The following NUMB variants were observed in gnomAD, a reference collection of about 807,000 sequenced individuals.
NUMB encodes NUMB endocytic adaptor protein, also known as protein numb homolog.
NUMB carries 29 observed loss-of-function variants against 59.7 expected under a neutral mutation model. That is an observed-to-expected ratio of 0.49 (90% CI 0.36 to 0.66). The LOEUF is 0.66. NUMB is among the 30% of genes least tolerant of loss of function. NUMB has a pLI of 0.00. For missense variants in NUMB, 723 were observed against 822.0 expected (o/e 0.88, Z 1.47); for synonymous variants, 288 against 288.2 (o/e 1.00, Z 0.01).
chr14:73,434,498 A>C (rs1409147086), intron 1 of NUMB, among the ~76,000 whole-genome samples: 1 of 152,200 alleles, frequency 6.6e-6, no homozygotes, highest in Non-Finnish European at 1.5e-5. Flanking sequence ...GCCCAAATAT[A>C]GAATAGTTTC....
intron 1 of NUMB, among the ~76,000 whole-genome samples, chr14:73,444,462 G>C (rs1883317568): frequency 6.6e-6 from 1 of 150,686 alleles, no homozygotes; most frequent in African/African-American, 2.4e-5. Context: ...TGAATTTTCA[G>C]CATCCATTGA....
intron 1 of NUMB, among the ~76,000 whole-genome samples, chr14:73,456,751 C>T (rs901816467): frequency 6.6e-6 from 1 of 152,120 alleles, no homozygotes; most frequent in African/African-American, 2.4e-5. Flanking sequence ...CCATTATTAC[C>T]GGTTTCATTA....
intron 4 of NUMB, among the ~76,000 whole-genome samples, chr14:73,326,340 C>G (rs1052968564): frequency 6.6e-6 from 1 of 152,006 alleles, no homozygotes; most frequent in African/African-American, 2.4e-5. Context: ...GAAAACTAAA[C>G]TGATGGCCGG....
rs548301295 is a variant in NUMB, at chr14:73,302,286, T to C, written c.235-5001A>G. 2.0e-5 allele frequency among the ~76,000 whole-genome samples: 3 copies of C among 152,304 alleles called. No individual in the cohort carries two copies. In the East Asian group the frequency reaches 5.8e-4, roughly 29 times the overall value. ...GTGGGTTCTTGTACATCATTATAGT[T>C]TGCCACATTATAGTTATTTAAGTCA... On this transcript the variant is annotated intron_variant, in intron 6 of 12. Transcript: ENST00000555238.
intron 2 of NUMB, chr14:73,409,400 C>A (rs1314873294): frequency 6.6e-6 from 1 of 152,146 alleles, no homozygotes; most frequent in Non-Finnish European, 1.5e-5. Context: ...GGTGTTCTTG[C>A]CAACAGCCCA....
chr14:73,326,447 C>T lies in NUMB; in HGVS notation c.127-3243G>A, dbSNP rs374735009. Among the ~76,000 whole-genome samples, 47 of 151,772 alleles carry T rather than the reference C, an allele frequency of 3.1e-4. No individual in the cohort carries two copies. The East Asian group carries it at 8.8e-3, about 28-fold the overall frequency. ...TTTGAGACCAGCTTGGCCAACATGG[C>T]GAAACCCCGTCTCTACTAAAAATAC... On this transcript the variant is annotated intron_variant, in intron 4 of 12. Transcript: ENST00000555238.
At chr14:73,393,783 C>G (rs545438889) in intron 2 of NUMB, among the ~76,000 whole-genome samples, 1 of 152,296 alleles carries the variant, frequency 6.6e-6, no homozygotes, top group South Asian at 2.1e-4. Flanking sequence ...TTTATTGTCT[C>G]TCTGAGCCAA....
At chr14:73,447,185 CA>C (rs1300208842) in intron 1 of NUMB, among the ~76,000 whole-genome samples, 2,212 of 104,474 alleles carry the variant, frequency 0.021, 49 homozygotes, top group African/African-American at 0.066. Context: ...GACTCCATCT[CA>C]AAAAAAAAAA....
At chr14:73,424,537 A>G (rs1305031823) in intron 1 of NUMB, among the ~76,000 whole-genome samples, 1 of 152,210 alleles carries the variant, frequency 6.6e-6, no homozygotes, top group Non-Finnish European at 1.5e-5. Context: ...AAACACCTAT[A>G]TGCACACAGT....
At chr14:73,296,763 C>A (rs986808168) in intron 7 of NUMB, among the ~76,000 whole-genome samples, 1 of 152,096 alleles carries the variant, frequency 6.6e-6, no homozygotes, top group African/African-American at 2.4e-5. Flanking sequence ...TGGTGGCTCA[C>A]TCCTGTAATC....
chr14:73,451,434 T>TAAAAAAA (rs71872203), intron 1 of NUMB, among the ~76,000 whole-genome samples: 2 of 111,492 alleles, frequency 1.8e-5, no homozygotes, highest in South Asian at 2.9e-4. Context: ...AGACACCGTC[T>TAAAAAAA]AAAAAAAAAA....
intron 4 of NUMB, among the ~76,000 whole-genome samples, chr14:73,353,530 G>C (rs1315789686): frequency 6.6e-6 from 1 of 150,866 alleles, no homozygotes; most frequent in East Asian, 1.9e-4. Context: ...TAAAATTGCT[G>C]GTCAAATGAA....
At chr14:73,455,067 T>C (rs998205197) in intron 1 of NUMB, among the ~76,000 whole-genome samples, 1 of 152,162 alleles carries the variant, frequency 6.6e-6, no homozygotes, top group Non-Finnish European at 1.5e-5. Flanking sequence ...AACTCAGATA[T>C]GCAATGGTTA....
At chr14:73,420,883 C>T (rs951352904) in intron 1 of NUMB, among the ~76,000 whole-genome samples, 8 of 152,026 alleles carry the variant, frequency 5.3e-5, no homozygotes, top group Admixed American at 1.3e-4. Context: ...CAAGAAAAAA[C>T]ACAATAAAAT....
chr14:73,353,419 T>C (rs757952423), intron 4 of NUMB, among the ~76,000 whole-genome samples: 15 of 151,300 alleles, frequency 9.9e-5, no homozygotes, highest in Non-Finnish European at 1.2e-4. Flanking sequence ...TCCAGAATGA[T>C]GGGAATTTAA....
At chr14:73,351,884 G>A (rs1171595072) in intron 4 of NUMB, among the ~76,000 whole-genome samples, 1 of 151,900 alleles carries the variant, frequency 6.6e-6, no homozygotes, top group African/African-American at 2.4e-5. Context: ...GCTGAGGCAG[G>A]AGAATGGCTT....
intron 6 of NUMB, among the ~76,000 whole-genome samples, chr14:73,315,440 G>A (rs1278866176): frequency 6.6e-6 from 1 of 152,178 alleles, no homozygotes; most frequent in South Asian, 2.1e-4. Context: ...ACTGATATGT[G>A]TACAGCCACC....
At chr14:73,406,543 C>T (rs531696618) in intron 2 of NUMB, among the ~76,000 whole-genome samples, 21 of 151,978 alleles carry the variant, frequency 1.4e-4, no homozygotes, top group African/African-American at 3.1e-4. Flanking sequence ...TGAATAGTGC[C>T]GCAATAAACA....
intron 4 of NUMB, among the ~76,000 whole-genome samples, chr14:73,328,239 C>T (rs1891767803): frequency 1.3e-5 from 2 of 149,972 alleles, no homozygotes; most frequent in Admixed American, 1.3e-4. Context: ...GGCATCAGTG[C>T]ACTCCAGCCT....
Sources: allele counts gnomAD v4.1 joint callset (sites outside exome capture counted in the v4.1 genomes callset), GRCh38; gene constraint gnomAD v4.1.1; transcripts MANE v1.5; gene names NCBI Gene and HGNC (gene_info 2026-07-23, HGNC 2026-07-21).